CPNE8: variants seen among roughly 807,000 people sequenced by gnomAD.
CPNE8 encodes copine-8.
CPNE8 carries 45 observed loss-of-function variants against 81.5 expected under a neutral mutation model. The observed-to-expected ratio is 0.55, with a 90% CI of 0.44 to 0.71. The LOEUF (loss-of-function observed/expected upper bound fraction) is 0.71, where lower values mean the gene tolerates loss of function less well. CPNE8 is among the 30% of genes least tolerant of loss of function. The pLI, the probability that CPNE8 is intolerant of heterozygous loss-of-function variation, is 0.00. For missense variants in CPNE8, 594 were observed against 672.1 expected (o/e 0.88, Z 1.28); for synonymous variants, 252 against 226.3 (o/e 1.11, Z -1.02).
At chr12:38,774,827 C>A (rs1477661893) in intron 7 of CPNE8, among the ~76,000 whole-genome samples, 1 of 152,048 alleles carries the variant, frequency 6.6e-6, no homozygotes, top group Non-Finnish European at 1.5e-5. Flanking sequence ...ACTGATATGA[C>A]CGTGACATGC....
chr12:38,749,764 G>A (rs1941312444), intron 10 of CPNE8, among the ~76,000 whole-genome samples: 1 of 152,134 alleles, frequency 6.6e-6, no homozygotes, highest in Non-Finnish European at 1.5e-5. Context: ...TTAGGGTGCT[G>A]TTAAAGGCAT....
At position 38,902,417 on chromosome 12, in the gene CPNE8, A is replaced by AAGAAAGAAAG. The variant is rs1166996215; in HGVS notation, c.98+3019_98+3020insCTTTCTTTCT. On this transcript the variant is annotated intron_variant, in intron 1 of 19. Coordinates refer to ENST00000331366, the MANE Select transcript of CPNE8 (RefSeq NM_153634.3). ...AGAGAAAGAAAGAAAGAAAGAAAGAAAAAGAAAGAAAGAAAGAAAGGAGAG... is the reference window on the plus strand; with the variant it reads ...AGAGAAAGAAAGAAAGAAAGAAAGAAAGAAAGAAAGAAAGAAAGAAAGAAAGAAAGGAGAG... 6.9e-5 allele frequency among the ~76,000 whole-genome samples: 5 copies of AAGAAAGAAAG among 72,914 alleles called. No homozygotes were observed. The East Asian group carries it at 1.5e-3, about 22-fold the overall frequency. The allele number at this position is 72,914 out of a possible 152,430, so 47.8% of individuals were successfully genotyped here.
chr12:38,780,091 T>C (rs1320431161), intron 6 of CPNE8, among the ~76,000 whole-genome samples: 2 of 152,066 alleles, frequency 1.3e-5, no homozygotes, highest in African/African-American at 4.8e-5. Context: ...TTTCTGTGTA[T>C]GGTGTAAAGT....
chr12:38,774,662 C>T (rs891884506), intron 7 of CPNE8, among the ~76,000 whole-genome samples: 2 of 151,430 alleles, frequency 1.3e-5, no homozygotes, highest in Non-Finnish European at 2.9e-5. Context: ...TGGTTTATTG[C>T]CCTTCAAATA....
intron 9 of CPNE8, among the ~76,000 whole-genome samples, chr12:38,761,762 A>T (rs1030414560): frequency 6.6e-6 from 1 of 152,208 alleles, no homozygotes; most frequent in Admixed American, 6.5e-5. Context: ...ATAACTATGG[A>T]ACTTTTGTGA....
At chr12:38,675,178 C>T (rs549697635) in intron 18 of CPNE8, among the ~76,000 whole-genome samples, 1 of 152,180 alleles carries the variant, frequency 6.6e-6, no homozygotes, top group Non-Finnish European at 1.5e-5. Context: ...TGGTCAGCTC[C>T]ATTTTCATTT....
chr12:38,903,742 T>C (rs1944523306), intron 1 of CPNE8, among the ~76,000 whole-genome samples: 1 of 152,166 alleles, frequency 6.6e-6, no homozygotes. Flanking sequence ...AACTTCCCTC[T>C]AACATCGAAA....
At chr12:38,846,327 A>C (rs1470535434) in intron 4 of CPNE8, among the ~76,000 whole-genome samples, 1 of 152,330 alleles carries the variant, frequency 6.6e-6, no homozygotes, top group East Asian at 1.9e-4. Context: ...ATACATGCAG[A>C]CCAGGGTGAT....
upstream of CPNE8, chr12:38,905,808 C>G (rs946542560): frequency 2.0e-6 from 2 of 985,204 alleles, no homozygotes; most frequent in South Asian, 4.7e-5. Context: ...GGCAGCAGCC[C>G]GGGCGGGGGA....
At position 38,898,810 on chromosome 12, in the gene CPNE8, C is replaced by T. The variant is rs192800936; in HGVS notation, c.98+6627G>A. On this transcript the variant is annotated intron_variant, in intron 1 of 19. Transcript: ENST00000331366. ...AGCCAACTCCAAAAAGGGTCAGACA[C>T]TCTCTCTTGGAATCTAACTTTGCTT... Among the ~76,000 whole-genome samples, 215 of 152,308 alleles carry T rather than the reference C, an allele frequency of 1.4e-3. 1 individual carries two copies. The highest frequency in any genetic ancestry group is 4.9e-3 in the African/African-American group (203 of 41,572).
At chr12:38,861,316 T>C (rs1443345527) in intron 3 of CPNE8, among the ~76,000 whole-genome samples, 1 of 152,316 alleles carries the variant, frequency 6.6e-6, no homozygotes, top group East Asian at 1.9e-4. Flanking sequence ...CAATAGTTAA[T>C]AATACTGTAC....
chr12:38,816,352 G>A (rs541825976), intron 6 of CPNE8, among the ~76,000 whole-genome samples: 80 of 152,208 alleles, frequency 5.3e-4, no homozygotes, highest in Admixed American at 2.5e-3. Context: ...GTTTTCTTTT[G>A]AAGTCTCTTT....
chr12:38,699,346 G>C (rs781248969), intron 14 of CPNE8, among the ~76,000 whole-genome samples: 10 of 152,052 alleles, frequency 6.6e-5, no homozygotes, highest in Non-Finnish European at 1.3e-4. Flanking sequence ...TAATTCACTG[G>C]TGCTAGTCAC....
At chr12:38,875,473 C>T (rs1030740489) in intron 1 of CPNE8, among the ~76,000 whole-genome samples, 4 of 152,102 alleles carry the variant, frequency 2.6e-5, no homozygotes, top group Non-Finnish European at 5.9e-5. Flanking sequence ...AGCTAAATTA[C>T]ATTTCAATTT....
At position 38,837,656 on chromosome 12, in the gene CPNE8, T is replaced by C. The variant is rs1340053460; in HGVS notation, c.330+2260A>G. Among the ~76,000 whole-genome samples, 4 of 152,072 alleles carry C rather than the reference T, an allele frequency of 2.6e-5. No individual in the cohort carries two copies. In the South Asian group the frequency reaches 6.2e-4, roughly 24 times the overall value. On this transcript the variant is annotated intron_variant, in intron 5 of 19. Transcript: ENST00000331366. The stretch of plus-strand genomic sequence containing the variant: ...GGAGAAGCAGCAAGGGAGAGGTTTC[T>C]GTGGAAGTTAGAAATGAATGTTTCA...
chr12:38,750,966 G>T (rs1481005866), intron 10 of CPNE8, among the ~76,000 whole-genome samples: 1 of 152,144 alleles, frequency 6.6e-6, no homozygotes, highest in Non-Finnish European at 1.5e-5. Flanking sequence ...CTGGTGGGAG[G>T]TAACTGAATC....
At chr12:38,677,844 G>A (rs1385171353) in intron 16 of CPNE8, among the ~76,000 whole-genome samples, 1 of 151,792 alleles carries the variant, frequency 6.6e-6, no homozygotes, top group East Asian at 1.9e-4. Context: ...AATGGACATA[G>A]CTTTTGGAAA....
At chr12:38,865,033 A>G (rs988374985) in intron 3 of CPNE8, among the ~76,000 whole-genome samples, 1 of 152,216 alleles carries the variant, frequency 6.6e-6, no homozygotes, top group African/African-American at 2.4e-5. Flanking sequence ...ACACTTCTTA[A>G]AAGAGAATAG....
At chr12:38,768,681 G>A (rs1026632375) in intron 7 of CPNE8, among the ~76,000 whole-genome samples, 1 of 150,428 alleles carries the variant, frequency 6.6e-6, no homozygotes, top group Non-Finnish European at 1.5e-5. Flanking sequence ...TGCCACGCCC[G>A]GCTAATTTTT....
Sources: gnomAD v4.1 joint callset for allele counts (sites outside exome capture counted in the v4.1 genomes callset) on GRCh38, gnomAD v4.1.1 for gene constraint, MANE v1.5 for transcripts, NCBI Gene and HGNC (gene_info 2026-07-23, HGNC 2026-07-21) for gene names.